The following GPR142 variants were observed in gnomAD, a reference collection of about 807,000 sequenced individuals.
GPR142 encodes G-protein coupled receptor 142 long form.
In GPR142, 9 loss-of-function variants were observed where a neutral mutation model predicts 10.6. The observed-to-expected ratio is 0.85, with a 90% CI of 0.51 to 1.48. GPR142 has a LOEUF of 1.48. GPR142 is among the 40% of genes most tolerant of loss of function. The pLI is 0.00. For missense variants in GPR142, 482 were observed against 506.0 expected, an observed-to-expected ratio of 0.95 and a Z score of 0.45; for synonymous variants, 202 against 221.2, an observed-to-expected ratio of 0.91 and a Z score of 0.77.
intron 3 of GPR142, among the ~76,000 whole-genome samples, chr17:74,371,495 T>A (rs34886967): frequency 0.35 from 52,726 of 151,712 alleles, 9,222 homozygotes; most frequent in South Asian, 0.42. Context: ...CATGTGCACT[T>A]ACCTGTGCAT....
chr17:74,371,073 C>T (rs2055020431), intron 3 of GPR142, among the ~76,000 whole-genome samples: 2 of 152,034 alleles, frequency 1.3e-5, no homozygotes, highest in African/African-American at 4.8e-5. Context: ...ATAGCTAAAC[C>T]CATGCCTGTG....
chr17:74,372,457 T>C lies in GPR142; in HGVS notation c.982T>C (p.Phe328Leu). 1 of 1,613,976 alleles carries C rather than the reference T, an allele frequency of 6.2e-7. No homozygotes were observed. The highest frequency in any genetic ancestry group is 8.5e-7 in the Non-Finnish European group (1 of 1,180,050). The change falls in exon 4 of 4, where the codon TTT becomes CTT. Residue 328 changes from phenylalanine to leucine, a missense_variant. By Grantham distance (22) the Phe-to-Leu change is conservative. Transcript: ENST00000582579. ...GGCAGCCAACTTCGGCCTCTACTGC[T>C]TTGTCAGCAAGACTTTCCGGGCCAC... ...HTAANFGLYC[F>L]VSKTFRATVR...
rs1415173238 is a variant in GPR142, at chr17:74,372,096, G to A, written c.621G>A (p.Trp207Ter). Residue 207 changes from tryptophan to a stop codon, truncating the protein, a stop_gained, in exon 4 of 4, where the codon TGG (tryptophan) becomes TGA (stop). Coordinates refer to ENST00000582579, the MANE Select transcript of GPR142 (RefSeq NM_001331076.1). LOFTEE classifies it low-confidence loss of function (END_TRUNC). ...TGTTGACCGGCATCCCCTTCTACTG[G>A]TGGCTGGACATGTGGAGAGACACCG... is the stretch of plus-strand genomic sequence containing the variant. ...AALLTGIPFY[W>*]WLDMWRDTDS... 1.2e-6 allele frequency: 2 copies of A among 1,614,124 alleles called. No individual in the cohort carries two copies. The highest frequency in any genetic ancestry group is 1.7e-6 in the Non-Finnish European group (2 of 1,180,048).
intron 1 of GPR142, among the ~76,000 whole-genome samples, chr17:74,368,858 G>T (rs904255158): frequency 1.3e-5 from 2 of 152,244 alleles, no homozygotes; most frequent in East Asian, 3.9e-4. Flanking sequence ...AGGCAGCCTC[G>T]TCCGGCTGCT....
At position 74,367,702 on chromosome 17, in the gene GPR142, G is replaced by A. The variant is rs2054991226; in HGVS notation, c.-166G>A. 2.5e-6 allele frequency: 4 copies of A among 1,611,916 alleles called. No homozygotes were observed. In the South Asian group the frequency reaches 4.4e-5, roughly 18 times the overall value. The stretch of plus-strand genomic sequence containing the variant: ...TCTCCACAGGTCACAGGGGGAAGCT[G>A]GGACCTCCGAATAAGGCCATCCAAG... On this transcript the variant is annotated 5_prime_UTR_variant, in exon 1 of 4. An upstream open reading frame in the 5' UTR gains an earlier in-frame stop. Coordinates refer to ENST00000582579, the MANE Select transcript of GPR142 (RefSeq NM_001331076.1).
Position 74,370,540 on chromosome 17 carries a change from C to T in GPR142, c.114C>T (p.Thr38=), listed in dbSNP as rs2144339792. Residue 38 remains threonine, a synonymous_variant, in exon 3 of 4, where the codon ACC becomes ACT. Coordinates refer to ENST00000582579, the MANE Select transcript of GPR142 (RefSeq NM_001331076.1). ...GRETAGQPRV[T]LLPTPHVSGL... The stretch of plus-strand genomic sequence containing the variant: ...TTCTAGCTGGCCAGCCACGAGTGAC[C>T]CTGCTGCCCACGCCCCACGTCAGCG... The T allele has an allele frequency of 6.2e-7, 1 of 1,612,294 alleles. No homozygotes were observed. The highest frequency in any genetic ancestry group is 2.2e-5 in the East Asian group (1 of 44,836).
At position 74,370,682 on chromosome 17, in the gene GPR142, G is replaced by C. The variant is rs747370065; in HGVS notation, c.253+3G>C. The C allele has an allele frequency of 6.2e-7, 1 of 1,610,878 alleles. No homozygotes were observed. Among genetic ancestry groups the C allele is most frequent in the Admixed American group, 1.7e-5 (1 of 59,692 alleles). ...CCTGCTGGGCTTGGGGCTGCCTGGT[G>C]AGTGGGGAGCTGGGGTCTGGGGACT... is the stretch of plus-strand genomic sequence containing the variant. On this transcript the variant is annotated splice_donor_region_variant and intron_variant, in intron 3 of 3. Coordinates refer to ENST00000582579, the MANE Select transcript of GPR142 (RefSeq NM_001331076.1).
At position 74,372,549 on chromosome 17, in the gene GPR142, G is replaced by T; in HGVS notation, c.1074G>T (p.Ala358=). The change falls in exon 4 of 4, where the codon GCG becomes GCT. Residue 358 remains alanine (A), a synonymous_variant. Coordinates refer to ENST00000582579, the MANE Select transcript of GPR142 (RefSeq NM_001331076.1). ...CTLASQPEGM[A]AKPVMEPPGL... Reference sequence around the variant, plus strand: ...TGGCATCACAGCCAGAGGGCATGGCGGCGAAGCCTGTGATGGAGCCTCCGG... The same window carrying T: ...TGGCATCACAGCCAGAGGGCATGGCTGCGAAGCCTGTGATGGAGCCTCCGG... 1 of 1,611,390 alleles carries T rather than the reference G, an allele frequency of 6.2e-7. No homozygotes were observed.
At chr17:74,370,433 T>C in intron 2 of GPR142, 88 bp from the exon 3 acceptor site, 1 of 1,410,086 alleles carries the variant, frequency 7.1e-7, no homozygotes, top group Non-Finnish European at 9.6e-7. Flanking sequence ...GCAGGGTGAC[T>C]AGAAAGACCC....
Position 74,368,861 on chromosome 17 carries a change from C to A in GPR142, c.-73-607C>A, listed in dbSNP as rs553618412. On this transcript the variant is annotated intron_variant, in intron 1 of 3. Transcript: ENST00000582579. ...AGCACCGGCTGCAGGCAGCCTCGTC[C>A]GGCTGCTCCCAGAGGATGCCCCACC... Among the ~76,000 whole-genome samples, 4 of 152,272 alleles carry A rather than the reference C, an allele frequency of 2.6e-5. No homozygotes were observed. The East Asian group carries it at 7.7e-4, about 29-fold the overall frequency.
At position 74,371,914 on chromosome 17, in the gene GPR142, A is replaced by G. The variant is rs150067182; in HGVS notation, c.439A>G (p.Asn147Asp). Residue 147 changes from asparagine (N) to aspartate (D), a missense_variant, in exon 4 of 4, where the codon AAC becomes GAC. Physicochemically the swap from Asn to Asp is conservative, Grantham distance 23. Transcript: ENST00000582579. The part of the protein sequence containing the change: ...QVPQAVVRTA[N>D]ILEFAANHAS... ...GCCCCAGGCTGTGGTGCGCACGGCCAACATCCTGGAGTTTGCTGCCAACCA... is the reference window on the plus strand; with the variant it reads ...GCCCCAGGCTGTGGTGCGCACGGCCGACATCCTGGAGTTTGCTGCCAACCA... The G allele has an allele frequency of 8.1e-6, 13 of 1,612,892 alleles. No individual in the cohort carries two copies. In the African/African-American group the frequency reaches 1.6e-4, roughly 20 times the overall value.
At chr17:74,369,747 G>C (rs2055008925) in intron 2 of GPR142, 113 bp downstream of exon 2, 1 of 1,060,410 alleles carries the variant, frequency 9.4e-7, no homozygotes, top group Admixed American at 3.0e-5. Context: ...CTGAGAGTGA[G>C]TGAGCAGTGA....
Position 74,367,682 on chromosome 17 carries a change from A to G in GPR142, c.-186A>G, listed in dbSNP as rs1261610850. ...GCCATTCCAGGTGGCTGAGGTCTCC[A>G]CAGGTCACAGGGGGAAGCTGGGACC... On this transcript the variant is annotated 5_prime_UTR_variant, in exon 1 of 4. Coordinates refer to ENST00000582579, the MANE Select transcript of GPR142 (RefSeq NM_001331076.1). The G allele has an allele frequency of 6.2e-7, 1 of 1,613,624 alleles. No homozygotes were observed. The highest frequency in any genetic ancestry group is 2.2e-5 in the East Asian group (1 of 44,878).
chr17:74,372,360 G>T lies in GPR142; in HGVS notation c.885G>T (p.Val295=). ...RVFVMLYHMY[V]APVHRDWRVH... Reference sequence around the variant, plus strand: ...TCGTCATGCTCTACCACATGTACGTGGCCCCTGTCCACCGGGACTGGAGGG... The same window carrying T: ...TCGTCATGCTCTACCACATGTACGTTGCCCCTGTCCACCGGGACTGGAGGG... The change falls in exon 4 of 4, where the codon GTG becomes GTT. Residue 295 remains valine (V), a synonymous_variant. Coordinates refer to ENST00000582579, the MANE Select transcript of GPR142 (RefSeq NM_001331076.1). The T allele has an allele frequency of 6.2e-7, 1 of 1,614,126 alleles. No homozygotes were observed. Among genetic ancestry groups the T allele is most frequent in the Non-Finnish European group, 8.5e-7 (1 of 1,179,978 alleles).
At chr17:74,367,817 A>T (rs1237601971) in intron 1 of GPR142, 23 bp downstream of exon 1, 17 of 1,560,062 alleles carry the variant, frequency 1.1e-5, no homozygotes, top group Non-Finnish European at 1.4e-5. Context: ...AAGGACGTGC[A>T]TGGGGCATCA....
chr17:74,371,266 C>T (rs1396196073), intron 3 of GPR142, among the ~76,000 whole-genome samples: 1 of 149,094 alleles, frequency 6.7e-6, no homozygotes, highest in Non-Finnish European at 1.5e-5. Flanking sequence ...AAGCAATTCT[C>T]CTGCCTCAGC....
rs1439499435 is a variant in GPR142 at position 74,372,151 on chromosome 17, A to G, written c.676A>G (p.Lys226Glu). The G allele has an allele frequency of 6.2e-7, 1 of 1,614,146 alleles. No individual in the cohort carries two copies. The change falls in exon 4 of 4, where the codon AAG becomes GAG. Residue 226 changes from lysine (K) to glutamate (E), a missense_variant. Lys to Glu is a moderately conservative substitution (Grantham distance 56). Transcript: ENST00000582579. Reference sequence around the variant, plus strand: ...ACCCAGAACACTGGACGAGGTCCTCAAGTGGGCTCACTGTCTCACTGTCTA... The same window carrying G: ...ACCCAGAACACTGGACGAGGTCCTCGAGTGGGCTCACTGTCTCACTGTCTA... ...DSPRTLDEVL[K>E]WAHCLTVYFI...
chr17:74,371,574 A>C (rs1343142500), intron 3 of GPR142, among the ~76,000 whole-genome samples, 155 bp from the exon 4 acceptor site: 1 of 152,222 alleles, frequency 6.6e-6, no homozygotes, highest in Non-Finnish European at 1.5e-5. Context: ...CCTTCTGGGC[A>C]AAGTGGGGTT....
In GPR142 at chr17:74,372,322, G is replaced by A. The variant is rs201740376; in HGVS notation, c.847G>A (p.Ala283Thr). Residue 283 changes from alanine (A) to threonine (T), a missense_variant, in exon 4 of 4, where the codon GCG becomes ACG. Coordinates refer to ENST00000582579, the MANE Select transcript of GPR142 (RefSeq NM_001331076.1). ...GITTLFTLLW[A>T]PRVFVMLYHM... Reference sequence around the variant, plus strand: ...CACCACACTGTTCACCCTCCTGTGGGCGCCCCGGGTCTTCGTCATGCTCTA... The same window carrying A: ...CACCACACTGTTCACCCTCCTGTGGACGCCCCGGGTCTTCGTCATGCTCTA... 6.2e-7 allele frequency: 1 copy of A among 1,613,890 alleles called. No individual in the cohort carries two copies.
Sources: allele counts gnomAD v4.1 joint callset (sites outside exome capture counted in the v4.1 genomes callset), GRCh38; gene constraint gnomAD v4.1.1; transcripts MANE v1.5; gene names NCBI Gene and HGNC (gene_info 2026-07-23, HGNC 2026-07-21).